The following PITPNC1 variants were observed in gnomAD, a reference collection of about 807,000 sequenced individuals.
PITPNC1 encodes phosphatidylinositol transfer protein cytoplasmic 1.
In PITPNC1, 18 loss-of-function variants were observed where a neutral mutation model predicts 44.7. The ratio of observed to expected loss-of-function variants is 0.40; its 90% CI spans 0.28 to 0.60. The LOEUF (loss-of-function observed/expected upper bound fraction) is 0.60, where lower values mean the gene tolerates loss of function less well. Ranked by LOEUF, PITPNC1 falls within the 20% of genes least tolerant of loss-of-function variation. The pLI is 0.39. For missense variants in PITPNC1, 290 were observed against 418.4 expected (o/e 0.69, Z 2.68); for synonymous variants, 141 against 149.6 (o/e 0.94, Z 0.42).
intron 1 of PITPNC1, chr17:67,471,432 GTCCTTGTGTGGACCTACGTCT>G: frequency 8.6e-6 from 3 of 350,568 alleles, no homozygotes; most frequent in Admixed American, 4.8e-5. Flanking sequence ...TCACATACAA[GTCCTTGTGTGGACCTACGTCT>G]TCATTTGAGA....
chr17:67,393,995 A>G (rs1296360839), intron 1 of PITPNC1, among the ~76,000 whole-genome samples: 1 of 151,828 alleles, frequency 6.6e-6, no homozygotes, highest in Non-Finnish European at 1.5e-5. Context: ...ACCCGCCACC[A>G]CACCCGCCTA....
At chr17:67,378,553 T>C (rs2037906125) in intron 1 of PITPNC1, among the ~76,000 whole-genome samples, 1 of 151,594 alleles carries the variant, frequency 6.6e-6, no homozygotes, top group Non-Finnish European at 1.5e-5. Flanking sequence ...GTAGCTGGGG[T>C]TTGGGGGGCA....
intron 1 of PITPNC1, among the ~76,000 whole-genome samples, chr17:67,460,296 G>A (rs543836821): frequency 7.9e-5 from 12 of 152,232 alleles, no homozygotes; most frequent in African/African-American, 1.4e-4. Context: ...CACTCACTCC[G>A]CTGCAGGGTT....
intron 4 of PITPNC1, among the ~76,000 whole-genome samples, chr17:67,563,556 G>C (rs1484129060): frequency 6.6e-6 from 1 of 152,162 alleles, no homozygotes; most frequent in African/African-American, 2.4e-5. Flanking sequence ...TCTTCTCAAT[G>C]AGTGGTTTTC....
At chr17:67,428,896 A>G (rs946346566) in intron 1 of PITPNC1, among the ~76,000 whole-genome samples, 1 of 128,452 alleles carries the variant, frequency 7.8e-6, no homozygotes, top group African/African-American at 3.0e-5. Flanking sequence ...GCTAAAGTGC[A>G]GTGGTGTGAT....
At chr17:67,413,907 A>C (rs902530492) in intron 1 of PITPNC1, among the ~76,000 whole-genome samples, 1 of 152,194 alleles carries the variant, frequency 6.6e-6, no homozygotes, top group African/African-American at 2.4e-5. Flanking sequence ...CAGAGGACCT[A>C]GGCTTAGACA....
chr17:67,429,023 T>C (rs1001620761), intron 1 of PITPNC1, among the ~76,000 whole-genome samples: 2 of 151,952 alleles, frequency 1.3e-5, no homozygotes, highest in Non-Finnish European at 2.9e-5. Context: ...GTATTTTTAG[T>C]AGAGACGGGG....
At chr17:67,565,901 T>C (rs1243235632) in intron 4 of PITPNC1, among the ~76,000 whole-genome samples, 1 of 152,198 alleles carries the variant, frequency 6.6e-6, no homozygotes, top group Non-Finnish European at 1.5e-5. Context: ...TCCATGTTTT[T>C]CAGTGTGTAT....
At chr17:67,424,727 T>G (rs2038720524) in intron 1 of PITPNC1, among the ~76,000 whole-genome samples, 1 of 151,918 alleles carries the variant, frequency 6.6e-6, no homozygotes, top group African/African-American at 2.4e-5. Context: ...ATGCAGTCAA[T>G]AAGTAGGTTG....
At chr17:67,565,188 A>ATGTTTTTCAGTGTGTGTACTAGTTTTCTG (rs1274896649) in intron 4 of PITPNC1, among the ~76,000 whole-genome samples, 1 of 149,778 alleles carries the variant, frequency 6.7e-6, no homozygotes, top group East Asian at 2.0e-4. Context: ...CTAGTTTTCC[A>ATGTTTTTCAGTGTGTGTACTAGTTTTCTG]TGTTTTTCAG....
At chr17:67,489,901 G>A (rs1040033555) in intron 1 of PITPNC1, among the ~76,000 whole-genome samples, 2 of 151,876 alleles carry the variant, frequency 1.3e-5, no homozygotes, top group East Asian at 1.9e-4. Context: ...GCACCACCAC[G>A]CCCGGCTAAT....
At chr17:67,418,341 T>G (rs1164181192) in intron 1 of PITPNC1, among the ~76,000 whole-genome samples, 1 of 152,224 alleles carries the variant, frequency 6.6e-6, no homozygotes, top group Non-Finnish European at 1.5e-5. Flanking sequence ...AATGGAATAT[T>G]CTAACTTTGC....
chr17:67,583,897 T>TG (rs1568052082), intron 5 of PITPNC1, among the ~76,000 whole-genome samples: 8,589 of 105,796 alleles, frequency 0.081, 342 homozygotes, highest in African/African-American at 0.14. Context: ...GTGTGTGTGT[T>TG]TGTGTGTGTG....
At chr17:67,550,332 C>T (rs1393299406) in intron 2 of PITPNC1, among the ~76,000 whole-genome samples, 2 of 151,998 alleles carry the variant, frequency 1.3e-5, no homozygotes, top group Non-Finnish European at 2.9e-5. Context: ...TGTTTTAACC[C>T]TGATTAACAG....
chr17:67,445,712 A>T (rs1244699209), intron 1 of PITPNC1, among the ~76,000 whole-genome samples: 1 of 151,992 alleles, frequency 6.6e-6, no homozygotes, highest in East Asian at 1.9e-4. Context: ...ATTTTATCCC[A>T]CTGGGTTTAA....
chr17:67,589,367 G>A (rs1327670682), intron 5 of PITPNC1, among the ~76,000 whole-genome samples: 1 of 152,202 alleles, frequency 6.6e-6, no homozygotes, highest in African/African-American at 2.4e-5. Flanking sequence ...TTAAAGTAGT[G>A]TCTGCTTTCT....
chr17:67,387,362 C>G (rs963912387), intron 1 of PITPNC1, among the ~76,000 whole-genome samples: 17 of 152,132 alleles, frequency 1.1e-4, no homozygotes, highest in African/African-American at 4.1e-4. Context: ...TCTACAATAG[C>G]TTTTTCCTCA....
At chr17:67,454,226 G>A (rs558832339) in intron 1 of PITPNC1, among the ~76,000 whole-genome samples, 7 of 151,432 alleles carry the variant, frequency 4.6e-5, no homozygotes, top group Admixed American at 3.3e-4. Context: ...ACTATAGCCT[G>A]GGACACAGAG....
chr17:67,397,606 AC>A (rs2038238885), intron 1 of PITPNC1, among the ~76,000 whole-genome samples: 1 of 152,168 alleles, frequency 6.6e-6, no homozygotes, highest in Admixed American at 6.6e-5. Flanking sequence ...CAGGATCTGC[AC>A]TGAACATCTC....
Sources: allele counts gnomAD v4.1 joint callset (sites outside exome capture counted in the v4.1 genomes callset), GRCh38; gene constraint gnomAD v4.1.1; transcripts MANE v1.5; gene names NCBI Gene and HGNC (gene_info 2026-07-23, HGNC 2026-07-21).